The following CACNA1C variants were observed in gnomAD, a reference collection of about 807,000 sequenced individuals.
CACNA1C encodes the protein calcium voltage-gated channel subunit alpha1 C, also known as voltage-dependent L-type calcium channel subunit alpha-1C.
A neutral mutation model predicts 229.0 loss-of-function variants in CACNA1C; 30 were observed. The ratio of observed to expected loss-of-function variants is 0.13; its 90% CI spans 0.10 to 0.18. The LOEUF (loss-of-function observed/expected upper bound fraction) is 0.18, where lower values mean the gene tolerates loss of function less well. Among genes scored for constraint, CACNA1C ranks in the 10% least tolerant of loss-of-function variants. The pLI is 1.00. For missense variants in CACNA1C, 1,658 were observed against 2,845.0 expected (o/e 0.58, Z 9.49); for synonymous variants, 1,114 against 1,132.5 (o/e 0.98, Z 0.33).
In CACNA1C at chr12:2,115,239, G is replaced by A. The variant is rs769703001; in HGVS notation, c.65G>A (p.Ser22Asn). Residue 22 changes from serine (S) to asparagine (N), a missense_variant, in exon 2 of 47, where the codon AGC (serine) becomes AAC (asparagine). This residue lies in a region of CACNA1C where 111 missense variants were observed against 128.0 expected (regional missense o/e 0.87). Transcript: ENST00000399655. ...EENHQGSNYG[S>N]PRPAHANMNA... Reference sequence around the variant, plus strand: ...TTTGCCACAGGTTCCAACTATGGGAGCCCACGCCCCGCCCATGCCAACATG... The same window carrying A: ...TTTGCCACAGGTTCCAACTATGGGAACCCACGCCCCGCCCATGCCAACATG... 3 of 1,572,518 alleles carry A rather than the reference G, an allele frequency of 1.9e-6. No homozygotes were observed. The African/African-American group carries it at 4.1e-5, about 21-fold the overall frequency.
At chr12:2,478,097 C>T (rs920869803) in intron 5 of CACNA1C, among the ~76,000 whole-genome samples, 3 of 152,086 alleles carry the variant, frequency 2.0e-5, no homozygotes, top group African/African-American at 7.2e-5. Flanking sequence ...GGGCAGAAGA[C>T]TAACAGAATA....
At chr12:2,224,900 T>C (rs561550959) in intron 3 of CACNA1C, among the ~76,000 whole-genome samples, 2 of 152,304 alleles carry the variant, frequency 1.3e-5, no homozygotes, top group Admixed American at 1.3e-4. Context: ...CTTAGCCAAC[T>C]GTTAGGGCTG....
Position 2,313,843 on chromosome 12 carries a change from T to C in CACNA1C, c.478-135133T>C, listed in dbSNP as rs139081813. On this transcript the variant is annotated intron_variant, in intron 3 of 46. Transcript: ENST00000399655. Reference sequence around the variant, plus strand: ...ATCGCTTTTTATCTATTGACACTTTTTCAATTAAGGAGTCTCCCCTGAGAT... The same window carrying C: ...ATCGCTTTTTATCTATTGACACTTTCTCAATTAAGGAGTCTCCCCTGAGAT... 1.3e-4 allele frequency among the ~76,000 whole-genome samples: 20 copies of C among 152,352 alleles called. No individual in the cohort carries two copies. The East Asian group carries it at 3.9e-3, about 29-fold the overall frequency.
At chr12:2,550,575 G>C in intron 10 of CACNA1C, 1 of 1,351,786 alleles carries the variant, frequency 7.4e-7, no homozygotes. Flanking sequence ...GGAGCCTGCT[G>C]TTCTGTTGCC....
At chr12:2,073,274 G>A (rs936189823) in intron 1 of CACNA1C, among the ~76,000 whole-genome samples, 1 of 152,228 alleles carries the variant, frequency 6.6e-6, no homozygotes, top group Admixed American at 6.5e-5. Flanking sequence ...ATTTTGTGAG[G>A]TTGAGTGGCT....
At chr12:2,609,841 T>G (rs1351934434) in intron 27 of CACNA1C, among the ~76,000 whole-genome samples, 2 of 151,996 alleles carry the variant, frequency 1.3e-5, no homozygotes, top group Admixed American at 1.3e-4. Context: ...TTGATTTAGT[T>G]GGCCAGGCAC....
At position 2,446,229 on chromosome 12, in the gene CACNA1C, G is replaced by GGATA. The variant is rs1007235110; in HGVS notation, c.478-2744_478-2743insAGAT. Reference sequence around the variant, plus strand: ...TGGATGGATGGATGGATGGATGGATGGATGGGTAGGTGGGTGGATAGATGG... The same window carrying GGATA: ...TGGATGGATGGATGGATGGATGGATGGATAGATGGGTAGGTGGGTGGATAGATGG... On this transcript the variant is annotated intron_variant, in intron 3 of 46. Transcript: ENST00000399655. 2.0e-3 allele frequency among the ~76,000 whole-genome samples: 293 copies of GGATA among 149,430 alleles called. 1 individual carries two copies. The highest frequency in any genetic ancestry group is 6.5e-3 in the African/African-American group (262 of 40,454).
At chr12:2,613,913 T>C (rs2079110867) in intron 29 of CACNA1C, 1 of 152,370 alleles carries the variant, frequency 6.6e-6, no homozygotes, top group Admixed American at 6.5e-5. Flanking sequence ...ACGAGACATA[T>C]GGTTTAAATA....
At chr12:2,351,853 G>A (rs1171256823) in intron 3 of CACNA1C, among the ~76,000 whole-genome samples, 1 of 152,100 alleles carries the variant, frequency 6.6e-6, no homozygotes, top group Non-Finnish European at 1.5e-5. Flanking sequence ...TGCACACCGT[G>A]GGTCTGGAAA....
intron 5 of CACNA1C, among the ~76,000 whole-genome samples, chr12:2,473,814 G>C (rs2099605436): frequency 6.6e-6 from 1 of 152,156 alleles, no homozygotes; most frequent in Non-Finnish European, 1.5e-5. Context: ...AGAAAATTTG[G>C]TTAGTGCCAA....
chr12:2,374,084 A>G (rs1281283203), intron 3 of CACNA1C, among the ~76,000 whole-genome samples: 2 of 152,204 alleles, frequency 1.3e-5, no homozygotes, highest in East Asian at 3.8e-4. Context: ...CTCTGGTGCT[A>G]GAACCCAGCA....
intron 3 of CACNA1C, among the ~76,000 whole-genome samples, chr12:2,233,479 G>A (rs571054482): frequency 6.6e-6 from 1 of 152,048 alleles, no homozygotes; most frequent in African/African-American, 2.4e-5. Context: ...TCCTTTTCTT[G>A]GTTCTGTATA....
rs994356703 is a variant in CACNA1C, at chr12:2,403,629, A to G, written c.478-45347A>G. On this transcript the variant is annotated intron_variant, in intron 3 of 46. Transcript: ENST00000399655. This position sits in a 1 kb window ranked among gnomAD's most constrained non-coding sequence, Gnocchi z 4.1. The stretch of plus-strand genomic sequence containing the variant: ...GACAAGATAATTTATAGATGCATTG[A>G]CACTATATGATTAGGAAAGTACAGT... 6.8e-6 allele frequency among the ~76,000 whole-genome samples: 1 copy of G among 147,436 alleles called. No individual in the cohort carries two copies. Among genetic ancestry groups the G allele is most frequent in the Non-Finnish European group, 1.5e-5 (1 of 67,142 alleles).
chr12:2,341,066 C>T (rs1333441507), intron 3 of CACNA1C, among the ~76,000 whole-genome samples: 1 of 152,188 alleles, frequency 6.6e-6, no homozygotes, highest in Non-Finnish European at 1.5e-5. Flanking sequence ...GCATGTAAGA[C>T]TTGGTCGAAA....
intron 1 of CACNA1C, among the ~76,000 whole-genome samples, chr12:2,114,268 T>C (rs749813755): frequency 2.0e-5 from 3 of 152,160 alleles, no homozygotes; most frequent in Non-Finnish European, 4.4e-5. Context: ...CTGTTGAGGC[T>C]AGTCTGGGCT....
chr12:2,353,273 G>T (rs912743902), intron 3 of CACNA1C, among the ~76,000 whole-genome samples: 13 of 152,150 alleles, frequency 8.5e-5, no homozygotes, highest in Non-Finnish European at 1.9e-4. Flanking sequence ...CACCCACCCT[G>T]CAAGTCTCCA....
chr12:2,055,144 A>C (rs1403295232), intron 1 of CACNA1C, among the ~76,000 whole-genome samples: 3 of 152,220 alleles, frequency 2.0e-5, no homozygotes, highest in Non-Finnish European at 4.4e-5. Flanking sequence ...TCACAAGGGC[A>C]GTATCCATGT....
intron 3 of CACNA1C, among the ~76,000 whole-genome samples, chr12:2,130,193 CTTTTTTT>C (rs35630466): frequency 6.1e-5 from 7 of 114,146 alleles, no homozygotes; most frequent in East Asian, 5.2e-4. Context: ...TGAGACCTTT[CTTTTTTT>C]TTTTTTTTTT....
At chr12:2,330,715 A>G (rs546299025) in intron 3 of CACNA1C, among the ~76,000 whole-genome samples, 1 of 152,362 alleles carries the variant, frequency 6.6e-6, no homozygotes, top group South Asian at 2.1e-4. Context: ...TCTAAAAACA[A>G]CAATGATAAA....
Sources: allele counts gnomAD v4.1 joint callset (sites outside exome capture counted in the v4.1 genomes callset), GRCh38; gene constraint gnomAD v4.1.1; regional missense constraint gnomAD v4.1.1; non-coding constraint Gnocchi (gnomAD v3.1); transcripts MANE v1.5; gene names NCBI Gene and HGNC (gene_info 2026-07-23, HGNC 2026-07-21).